The following SFXN5 variants were observed in gnomAD, a reference collection of about 807,000 sequenced individuals.
SFXN5 encodes the protein sideroflexin-5.
In SFXN5, 43 loss-of-function variants were observed where a neutral mutation model predicts 50.2. The observed-to-expected ratio is 0.86, with a 90% CI of 0.67 to 1.11. The LOEUF (loss-of-function observed/expected upper bound fraction) is 1.11, where lower values mean the gene tolerates loss of function less well. Among genes scored for constraint, SFXN5 ranks in the 50% least tolerant of loss-of-function variants. The pLI is 0.00. For synonymous variants in SFXN5, 203 were observed against 185.8 expected, an observed-to-expected ratio of 1.09 and a Z score of -0.75; for missense variants, 463 against 454.1, an observed-to-expected ratio of 1.02 and a Z score of -0.18.
chr2:72,965,433 C>G (rs988627296), intron 12 of SFXN5, among the ~76,000 whole-genome samples: 1 of 152,174 alleles, frequency 6.6e-6, no homozygotes, highest in Non-Finnish European at 1.5e-5. Flanking sequence ...GCAAGAACCC[C>G]GGGATACAGA....
intron 13 of SFXN5, among the ~76,000 whole-genome samples, chr2:72,946,763 G>A (rs570105582): frequency 6.6e-6 from 1 of 152,132 alleles, no homozygotes; most frequent in East Asian, 1.9e-4. Context: ...GTCTCATCCA[G>A]CCCAGTCCGT....
intron 2 of SFXN5, among the ~76,000 whole-genome samples, chr2:73,056,423 C>T (rs960957705): frequency 6.6e-5 from 10 of 150,952 alleles, no homozygotes; most frequent in South Asian, 2.1e-4. Flanking sequence ...CAGTGGCTTA[C>T]GCCTGTAACC....
intron 3 of SFXN5, among the ~76,000 whole-genome samples, chr2:73,037,171 C>T (rs1390211649): frequency 1.3e-5 from 2 of 152,232 alleles, no homozygotes; most frequent in African/African-American, 2.4e-5. Flanking sequence ...ACCACCCCCA[C>T]CTGCTCTTCA....
intron 5 of SFXN5, 81 bp downstream of exon 5, chr2:73,022,441 A>G: frequency 2.8e-6 from 3 of 1,081,164 alleles, no homozygotes; most frequent in Middle Eastern, 4.0e-4. Context: ...TCCTTAGGCC[A>G]GCACATCTGG....
intron 12 of SFXN5, among the ~76,000 whole-genome samples, chr2:72,966,541 C>T (rs1003797459): frequency 2.6e-5 from 4 of 152,164 alleles, no homozygotes; most frequent in Non-Finnish European, 2.9e-5. Context: ...CAGTGCTCAC[C>T]ATGCCATGCC....
chr2:72,946,709 A>C (rs1573917770), intron 13 of SFXN5, among the ~76,000 whole-genome samples: 1 of 151,478 alleles, frequency 6.6e-6, no homozygotes, highest in Non-Finnish European at 1.5e-5. Flanking sequence ...CTGCCCAAAG[A>C]CTCTGGAGCC....
Position 73,041,213 on chromosome 2 carries a change from T to A in SFXN5, c.172-282A>T, listed in dbSNP as rs1265168950. On this transcript the variant is annotated intron_variant, in intron 2 of 13. Coordinates refer to ENST00000272433, the MANE Select transcript of SFXN5 (RefSeq NM_144579.3). Reference sequence around the variant, plus strand: ...CCAAGCAATATGATGCTGTTTGTTGTACCAAATAAACAACACACACATATC... The same window carrying A: ...CCAAGCAATATGATGCTGTTTGTTGAACCAAATAAACAACACACACATATC... Among the ~76,000 whole-genome samples, 5 of 152,232 alleles carry A rather than the reference T, an allele frequency of 3.3e-5. No homozygotes were observed. In the East Asian group the frequency reaches 9.6e-4, roughly 29 times the overall value.
chr2:73,037,245 G>C (rs1372969372), intron 3 of SFXN5, among the ~76,000 whole-genome samples: 1 of 152,192 alleles, frequency 6.6e-6, no homozygotes, highest in Admixed American at 6.5e-5. Flanking sequence ...AGTCTGGGAG[G>C]GTCACCCCTT....
intron 6 of SFXN5, chr2:73,020,032 A>G (rs2105819490): frequency 1.8e-6 from 1 of 557,174 alleles, no homozygotes; most frequent in East Asian, 3.1e-5. Flanking sequence ...GCTGGATTTA[A>G]GTCATCAGGC....
At chr2:72,948,725 G>C (rs1421328500) in intron 13 of SFXN5, among the ~76,000 whole-genome samples, 1 of 152,216 alleles carries the variant, frequency 6.6e-6, no homozygotes, top group Non-Finnish European at 1.5e-5. Context: ...GGTAGGAGCA[G>C]GGGGAGATGC....
chr2:73,070,621 G>A (rs889520671), intron 1 of SFXN5: 4 of 151,860 alleles, frequency 2.6e-5, no homozygotes, highest in African/African-American at 9.7e-5. Context: ...GGTCTGCGGC[G>A]CGGGAGCGGC....
chr2:73,036,137 C>T (rs1484786044), intron 3 of SFXN5, among the ~76,000 whole-genome samples: 4 of 152,196 alleles, frequency 2.6e-5, no homozygotes, highest in African/African-American at 9.7e-5. Context: ...CAAGAACCAC[C>T]CGGGCCGCTT....
chr2:73,071,476 C>G (rs187477909), intron 1 of SFXN5, 128 bp downstream of exon 1: 205 of 796,402 alleles, frequency 2.6e-4, no homozygotes, highest in Admixed American at 1.9e-4. Context: ...AGGTTCCCCC[C>G]CTGGCGCTAG....
chr2:72,955,460 G>C (rs932606993), intron 13 of SFXN5, among the ~76,000 whole-genome samples: 5 of 152,240 alleles, frequency 3.3e-5, no homozygotes, highest in Non-Finnish European at 7.3e-5. Flanking sequence ...GTGAGGAAAA[G>C]AGAGGGGACT....
At chr2:73,031,649 C>T (rs1184112363) in intron 3 of SFXN5, among the ~76,000 whole-genome samples, 1 of 152,186 alleles carries the variant, frequency 6.6e-6, no homozygotes, top group Non-Finnish European at 1.5e-5. Context: ...CTTCTTGAGG[C>T]ATCTGACAAC....
At chr2:73,048,089 G>A (rs1383486863) in intron 2 of SFXN5, among the ~76,000 whole-genome samples, 2 of 152,116 alleles carry the variant, frequency 1.3e-5, no homozygotes, top group African/African-American at 4.8e-5. Flanking sequence ...TGCATACCAT[G>A]GATATCCATT....
At chr2:72,959,381 C>A (rs2105371894) in intron 13 of SFXN5, among the ~76,000 whole-genome samples, 1 of 152,268 alleles carries the variant, frequency 6.6e-6, no homozygotes, top group African/African-American at 2.4e-5. Flanking sequence ...CCTCCCTGTA[C>A]TGGCCCATAG....
intron 8 of SFXN5, among the ~76,000 whole-genome samples, chr2:72,999,653 G>A (rs866255158): frequency 7.2e-5 from 11 of 152,026 alleles, no homozygotes; most frequent in Middle Eastern, 3.4e-3. Flanking sequence ...ACTTGGGGTG[G>A]AGGTTTAGAT....
rs945217798 is a variant in SFXN5, at chr2:72,942,542, C to T, written c.*2480G>A. 6 of 152,368 alleles carry T rather than the reference C, an allele frequency of 3.9e-5. No homozygotes were observed. Among genetic ancestry groups the T allele is most frequent in the Admixed American group, 1.3e-4 (2 of 15,280 alleles). The allele number at this position is 152,368 out of a possible 1,614,324, so 9.4% of individuals were successfully genotyped here. ...CTTAGCCTCCACCCCAGGCATGAAC[C>T]AATCTGCCCCTCAGGCCTCCCTTCC... On this transcript the variant is annotated 3_prime_UTR_variant, in exon 14 of 14. Coordinates refer to ENST00000272433, the MANE Select transcript of SFXN5 (RefSeq NM_144579.3).
Sources: allele counts gnomAD v4.1 joint callset (sites outside exome capture counted in the v4.1 genomes callset), GRCh38; gene constraint gnomAD v4.1.1; transcripts MANE v1.5; gene names NCBI Gene and HGNC (gene_info 2026-07-23, HGNC 2026-07-21).